The following PCDHA6 variants were observed in gnomAD, a reference collection of about 807,000 sequenced individuals.
PCDHA6 encodes the protein protocadherin alpha-6.
Under a neutral mutation model 60.3 loss-of-function variants are expected in PCDHA6, and 55 were observed. That is an observed-to-expected ratio of 0.91 (90% CI 0.73 to 1.14). The LOEUF (loss-of-function observed/expected upper bound fraction) is 1.14. PCDHA6 is among the 50% of genes most tolerant of loss of function. The pLI is 0.00. For missense variants in PCDHA6, 1,327 were observed against 1,256.5 expected (o/e 1.06, Z -0.85); for synonymous variants, 652 against 557.9 (o/e 1.17, Z -2.38).
At chr5:140,918,111 C>A (rs1035723043) in intron 1 of PCDHA6, among the ~76,000 whole-genome samples, 1 of 152,016 alleles carries the variant, frequency 6.6e-6, no homozygotes, top group Admixed American at 6.6e-5. Flanking sequence ...CTTTCACATC[C>A]TTGATTAGCC....
rs1436841742 is a variant in PCDHA6, at chr5:140,852,718, G to A, written c.2394+22233G>A. 4.1e-6 allele frequency: 4 copies of A among 981,606 alleles called. 1 individual carries two copies. The highest frequency in any genetic ancestry group is 4.9e-6 in the Non-Finnish European group (4 of 814,578). 60.8% of individuals were successfully genotyped at this position (981,606 alleles called of 1,614,324 possible). ...CTTTCAAGTATCTTTGTCTTTGCAC[G>A]TTTTTCAAGTTTCATGTGCCATTTA... is the stretch of plus-strand genomic sequence containing the variant. On this transcript the variant is annotated intron_variant, in intron 1 of 3. Coordinates refer to ENST00000529310, the MANE Select transcript of PCDHA6 (RefSeq NM_018909.4).
At chr5:140,857,449 C>T (rs2044602345) in intron 1 of PCDHA6, 1 of 1,598,510 alleles carries the variant, frequency 6.3e-7, no homozygotes, top group East Asian at 2.2e-5. Context: ...AGGAGAACAA[C>T]CCGCCAGGCT....
chr5:140,926,787 A>G, intron 1 of PCDHA6: 2 of 1,420,842 alleles, frequency 1.4e-6, no homozygotes, highest in Non-Finnish European at 1.8e-6. Context: ...GACGGCCGGC[A>G]GGAGCGTGCT....
intron 1 of PCDHA6, chr5:140,875,971 C>A (rs17844352): frequency 1.1e-5 from 17 of 1,614,030 alleles, no homozygotes; most frequent in Non-Finnish European, 1.4e-5. Flanking sequence ...CGTAAACTCT[C>A]TTTTGACCTA....
At chr5:140,973,062 G>GTC (rs1554234872) in intron 1 of PCDHA6, among the ~76,000 whole-genome samples, 1 of 152,138 alleles carries the variant, frequency 6.6e-6, no homozygotes, top group African/African-American at 2.4e-5. Context: ...GTCCAACAGT[G>GTC]TCTCAGTGGG....
In PCDHA6 at chr5:140,830,494, A is replaced by T. The variant is rs2150187219; in HGVS notation, c.2394+9A>T. 5 of 1,472,568 alleles carry T rather than the reference A, an allele frequency of 3.4e-6. No homozygotes were observed. Among genetic ancestry groups the T allele is most frequent in the Non-Finnish European group, 4.5e-6 (5 of 1,101,882 alleles). 91.2% of individuals were successfully genotyped at this position (1,472,568 alleles called of 1,614,324 possible). ...AAGATCATGATGCCAAAGTAAGTGA[A>T]TTTTCATAATTAACAGTTAATTTTT... is the stretch of plus-strand genomic sequence containing the variant. On this transcript the variant is annotated intron_variant, in intron 1 of 3. Coordinates refer to ENST00000529310, the MANE Select transcript of PCDHA6 (RefSeq NM_018909.4).
At chr5:140,980,555 G>A (rs1050580342) in intron 2 of PCDHA6, among the ~76,000 whole-genome samples, 1 of 152,068 alleles carries the variant, frequency 6.6e-6, no homozygotes, top group Non-Finnish European at 1.5e-5. Flanking sequence ...GCTTGAACCC[G>A]GGAGGCGGAA....
chr5:140,863,047 C>G (rs1554157583), intron 1 of PCDHA6: 1 of 560,866 alleles, frequency 1.8e-6, no homozygotes. Flanking sequence ...TGTCAGCTGG[C>G]AGCACCCGTT....
intron 1 of PCDHA6, chr5:140,926,717 C>G (rs975992181): frequency 3.1e-6 from 3 of 967,258 alleles, no homozygotes; most frequent in East Asian, 6.0e-5. Context: ...CCAGCCCCGG[C>G]AATGCCGGCG....
chr5:140,850,924 T>A (rs2150502629), intron 1 of PCDHA6: 3 of 1,517,174 alleles, frequency 2.0e-6, no homozygotes, highest in Non-Finnish European at 1.8e-6. Flanking sequence ...ATTTATATAA[T>A]TTTTTTTCTT....
intron 3 of PCDHA6, among the ~76,000 whole-genome samples, chr5:140,985,402 C>T (rs1554247027): frequency 6.6e-6 from 1 of 152,118 alleles, no homozygotes; most frequent in African/African-American, 2.4e-5. Context: ...CAACTGTTCC[C>T]CTGGAAATGG....
At position 140,927,270 on chromosome 5, in the gene PCDHA6, C is replaced by T. The variant is rs541200655; in HGVS notation, c.2395-51679C>T. 5 of 1,614,150 alleles carry T rather than the reference C, an allele frequency of 3.1e-6. No individual in the cohort carries two copies. The South Asian group carries it at 3.3e-5, about 11-fold the overall frequency. ...ATGACAACTCACCTCTCTTTCCTGCCGGCGACGTGCAGCTGCACATCCCCG... is the reference window on the plus strand; with the variant it reads ...ATGACAACTCACCTCTCTTTCCTGCTGGCGACGTGCAGCTGCACATCCCCG... On this transcript the variant is annotated intron_variant, in intron 1 of 3. Transcript: ENST00000529310.
chr5:140,954,284 C>G (rs1719232084), intron 1 of PCDHA6, among the ~76,000 whole-genome samples: 1 of 152,158 alleles, frequency 6.6e-6, no homozygotes, highest in South Asian at 2.1e-4. Context: ...ATTTATATTC[C>G]TTTGGGTACA....
At chr5:140,934,228 G>A (rs1238284158) in intron 1 of PCDHA6, among the ~76,000 whole-genome samples, 2 of 151,884 alleles carry the variant, frequency 1.3e-5, no homozygotes, top group African/African-American at 4.8e-5. Flanking sequence ...TAAAAGATTT[G>A]TACTTAATTG....
chr5:140,891,612 T>C (rs182874243), intron 1 of PCDHA6, among the ~76,000 whole-genome samples: 2 of 152,350 alleles, frequency 1.3e-5, no homozygotes, highest in Admixed American at 1.3e-4. Context: ...TTCTACCTTT[T>C]ATTTTAACAC....
Position 140,828,505 on chromosome 5 carries a change from A to C in PCDHA6, c.414A>C (p.Gln138His), listed in dbSNP as rs2150156185. The C allele has an allele frequency of 6.2e-7, 1 of 1,614,210 alleles. No individual in the cohort carries two copies. Among genetic ancestry groups the C allele is most frequent in the South Asian group, 1.1e-5 (1 of 91,082 alleles). ...DNPPLFPVEE[Q>H]RVLIYESRLP... ...CGCCCTTGTTCCCGGTAGAGGAACA[A>C]AGAGTGCTGATTTACGAATCTAGGC... The change falls in exon 1 of 4, where the codon CAA (glutamine) becomes CAC (histidine). Residue 138 changes from glutamine (Q) to histidine (H), a missense_variant. Coordinates refer to ENST00000529310, the MANE Select transcript of PCDHA6 (RefSeq NM_018909.4).
At chr5:140,972,005 C>T (rs1236779874) in intron 1 of PCDHA6, among the ~76,000 whole-genome samples, 1 of 151,980 alleles carries the variant, frequency 6.6e-6, no homozygotes, top group Admixed American at 6.6e-5. Flanking sequence ...GTTTATATTC[C>T]CTTTTATATG....
chr5:140,882,199 G>A, intron 1 of PCDHA6: 1 of 1,526,968 alleles, frequency 6.5e-7, no homozygotes, highest in Non-Finnish European at 8.8e-7. Context: ...TAAAAATTGG[G>A]CCTTGAGAGA....
At chr5:140,974,828 A>T (rs2096642920) in intron 1 of PCDHA6, among the ~76,000 whole-genome samples, 1 of 152,188 alleles carries the variant, frequency 6.6e-6, no homozygotes, top group Non-Finnish European at 1.5e-5. Flanking sequence ...CAACATAATG[A>T]TTATTTTAAA....
Sources: gnomAD v4.1 joint callset for allele counts (sites outside exome capture counted in the v4.1 genomes callset) on GRCh38, gnomAD v4.1.1 for gene constraint, MANE v1.5 for transcripts, NCBI Gene and HGNC (gene_info 2026-07-23, HGNC 2026-07-21) for gene names.